The following JMJD1C variants were observed in gnomAD, a reference collection of about 807,000 sequenced individuals.
JMJD1C encodes the protein jumonji domain containing 1C, also known as jumonji domain-containing protein 1C.
JMJD1C carries 31 observed loss-of-function variants against 245.3 expected under a neutral mutation model. That is an observed-to-expected ratio of 0.13 (90% CI 0.09 to 0.17). JMJD1C has a LOEUF of 0.17. Among genes scored for constraint, JMJD1C ranks in the 10% least tolerant of loss-of-function variants. The pLI is 1.00. For missense variants in JMJD1C, 2,691 were observed against 3,000.2 expected (o/e 0.90, Z 2.41); for synonymous variants, 1,057 against 1,017.4 (o/e 1.04, Z -0.74).
chr10:63,277,022 C>T (rs1856847071), intron 2 of JMJD1C, among the ~76,000 whole-genome samples: 1 of 150,112 alleles, frequency 6.7e-6, no homozygotes, highest in East Asian at 2.0e-4. Context: ...GCTGGGACTA[C>T]GGGCACCCAC....
intron 2 of JMJD1C, among the ~76,000 whole-genome samples, chr10:63,292,244 C>T (rs907771126): frequency 3.6e-5 from 5 of 139,282 alleles, no homozygotes; most frequent in Non-Finnish European, 7.6e-5. Context: ...CAGATGTGAG[C>T]CACTATGCTG....
chr10:63,445,390 G>A (rs930372174), intron 1 of JMJD1C, among the ~76,000 whole-genome samples: 1 of 152,164 alleles, frequency 6.6e-6, no homozygotes, highest in African/African-American at 2.4e-5. Context: ...ATACTTACCA[G>A]AAAGAAGTGA....
chr10:63,388,853 G>GC (rs1246355805), intron 1 of JMJD1C, among the ~76,000 whole-genome samples: 1 of 152,158 alleles, frequency 6.6e-6, no homozygotes, highest in Non-Finnish European at 1.5e-5. Flanking sequence ...GACATTCCAT[G>GC]CAAATAGAAA....
At chr10:63,296,013 A>ATATTTT (rs71025149) in intron 2 of JMJD1C, among the ~76,000 whole-genome samples, 2 of 84,276 alleles carry the variant, frequency 2.4e-5, no homozygotes, top group Admixed American at 1.3e-4. Flanking sequence ...GTATATATAT[A>ATATTTT]TTTTTTTTTT....
Position 63,268,627 on chromosome 10 carries a change from C to A in JMJD1C, c.334-3863G>T, listed in dbSNP as rs1467348004. ...AAGAAAAACCAAATGTAAATTAAGA[C>A]AAAAGAAAAAGGAAGCAGAAAAATA... On this transcript the variant is annotated intron_variant, in intron 2 of 25. Coordinates refer to ENST00000399262, the MANE Select transcript of JMJD1C (RefSeq NM_032776.3). 4 of 859,180 alleles carry A rather than the reference C, an allele frequency of 4.7e-6. No individual in the cohort carries two copies. In the African/African-American group the frequency reaches 7.3e-5, roughly 16 times the overall value. The allele number at this position is 859,180 out of a possible 1,614,324, so 53.2% of individuals were successfully genotyped here.
chr10:63,331,991 T>C (rs1942205704), intron 2 of JMJD1C, among the ~76,000 whole-genome samples: 2 of 152,328 alleles, frequency 1.3e-5, no homozygotes, highest in East Asian at 1.9e-4. Context: ...ATTCACTACA[T>C]GCTCAGAAAG....
intron 2 of JMJD1C, among the ~76,000 whole-genome samples, chr10:63,303,654 A>T (rs1472111400): frequency 6.6e-6 from 1 of 152,196 alleles, no homozygotes; most frequent in Non-Finnish European, 1.5e-5. Flanking sequence ...CCTCACGTAT[A>T]ACGTACATAT....
chr10:63,511,667 A>G (rs1954875680), intron 1 of JMJD1C, among the ~76,000 whole-genome samples: 1 of 152,162 alleles, frequency 6.6e-6, no homozygotes, highest in Admixed American at 6.5e-5. Flanking sequence ...GTGAGTGCTG[A>G]GATCGCACCA....
chr10:63,278,988 GC>G (rs1443047186), intron 2 of JMJD1C, among the ~76,000 whole-genome samples: 1 of 152,040 alleles, frequency 6.6e-6, no homozygotes, highest in African/African-American at 2.4e-5. Context: ...GGTAGCTCAC[GC>G]CTGTAATCCC....
intron 3 of JMJD1C, chr10:63,222,688 T>C (rs1848747552): frequency 6.5e-7 from 1 of 1,538,616 alleles, no homozygotes. Flanking sequence ...CATTTGATGG[T>C]ACCAAAGAAG....
At chr10:63,347,374 G>C (rs1164234933) in intron 2 of JMJD1C, among the ~76,000 whole-genome samples, 4 of 150,418 alleles carry the variant, frequency 2.7e-5, no homozygotes, top group Admixed American at 6.6e-5. Context: ...ACGAGGTCAG[G>C]AGTTCCAGAC....
intron 2 of JMJD1C, among the ~76,000 whole-genome samples, chr10:63,305,411 G>T (rs1194018152): frequency 7.0e-6 from 1 of 143,292 alleles, no homozygotes. Context: ...AGCTCTAATT[G>T]TACCACTACT....
chr10:63,202,186 G>A (rs1361265784), intron 10 of JMJD1C: 4 of 465,152 alleles, frequency 8.6e-6, no homozygotes, highest in Non-Finnish European at 8.5e-6. Flanking sequence ...CCCAGGGGGC[G>A]GAAGTTGCAG....
At chr10:63,226,540 C>A (rs891586558) in intron 3 of JMJD1C, among the ~76,000 whole-genome samples, 1 of 148,868 alleles carries the variant, frequency 6.7e-6, no homozygotes, top group East Asian at 2.0e-4. Flanking sequence ...TGGCGAGATG[C>A]CATTGCTACA....
chr10:63,467,187 C>G (rs1331739097), upstream of JMJD1C, among the ~76,000 whole-genome samples: 1 of 152,130 alleles, frequency 6.6e-6, no homozygotes, highest in Non-Finnish European at 1.5e-5. Flanking sequence ...TAATCATGGT[C>G]AAATTTTGCC....
intron 2 of JMJD1C, among the ~76,000 whole-genome samples, chr10:63,267,539 T>A (rs891691159): frequency 6.6e-6 from 1 of 152,138 alleles, no homozygotes. Context: ...TTCAACACTC[T>A]AAAGATATAT....
In JMJD1C at chr10:63,221,697, G is replaced by A. The variant is rs905563438; in HGVS notation, c.448-1714C>T. Among the ~76,000 whole-genome samples the A allele has an allele frequency of 4.6e-5, 7 of 152,162 alleles. No homozygotes were observed. The East Asian group carries it at 5.8e-4, about 13-fold the overall frequency. ...ATGCACACCAGCTGACAGTCTAGTCGATAACAAACAGAACATAGGAAACTT... is the reference window on the plus strand; with the variant it reads ...ATGCACACCAGCTGACAGTCTAGTCAATAACAAACAGAACATAGGAAACTT... On this transcript the variant is annotated intron_variant, in intron 3 of 25. Transcript: ENST00000399262.
chr10:63,269,404 G>C (rs1856015327), intron 2 of JMJD1C, among the ~76,000 whole-genome samples: 1 of 152,334 alleles, frequency 6.6e-6, no homozygotes, highest in East Asian at 1.9e-4. Flanking sequence ...AGACAGACTA[G>C]TGGCGAGACT....
intron 3 of JMJD1C, among the ~76,000 whole-genome samples, chr10:63,221,753 C>T (rs1486352022): frequency 6.6e-6 from 1 of 152,190 alleles, no homozygotes; most frequent in East Asian, 1.9e-4. Flanking sequence ...CGGAGTTTTG[C>T]TCTTGTTGCC....
Sources: allele counts gnomAD v4.1 joint callset (sites outside exome capture counted in the v4.1 genomes callset), GRCh38; gene constraint gnomAD v4.1.1; transcripts MANE v1.5; gene names NCBI Gene and HGNC (gene_info 2026-07-23, HGNC 2026-07-21).